Variants in ABI3BP observed in about 807,000 individuals in gnomAD.
ABI3BP encodes ABI family member 3 binding protein.
ABI3BP carries 216 observed loss-of-function variants against 268.6 expected under a neutral mutation model. The ratio of observed to expected loss-of-function variants is 0.80; its 90% confidence interval spans 0.72 to 0.90. ABI3BP has a LOEUF of 0.90. Among genes scored for constraint, ABI3BP ranks in the 40% least tolerant of loss-of-function variants. The pLI, the probability that ABI3BP is intolerant of heterozygous loss-of-function variation, is 0.00. For synonymous variants in ABI3BP, 730 were observed against 730.0 expected, an observed-to-expected ratio of 1.00 and a Z score of 0.00; for missense variants, 2,090 against 2,182.4, an observed-to-expected ratio of 0.96 and a Z score of 0.84.
chr3:100,916,920 C>CT (rs1385592668), intron 2 of ABI3BP, among the ~76,000 whole-genome samples: 1 of 152,184 alleles, frequency 6.6e-6, no homozygotes, highest in Non-Finnish European at 1.5e-5. Flanking sequence ...GATTTTTCAA[C>CT]TAAACTAGGG....
Position 100,864,193 on chromosome 3 carries a change from A to G in ABI3BP, c.1064-117T>C, listed in dbSNP as rs2099027367. On this transcript the variant is annotated intron_variant, in intron 11 of 67. Coordinates refer to ENST00000471714, the MANE Select transcript of ABI3BP (RefSeq NM_001375547.2). The stretch of plus-strand genomic sequence containing the variant: ...GACTCTTGCACACAGAGCAGCCAAT[A>G]CCTTTAATGGAAATAACCTTCCCTG... 3 of 704,704 alleles carry G rather than the reference A, an allele frequency of 4.3e-6. No individual in the cohort carries two copies. The Admixed American group carries it at 6.5e-5, about 15-fold the overall frequency. The allele number at this position is 704,704 out of a possible 1,614,324, so 43.7% of individuals were successfully genotyped here. A position where few individuals can be genotyped will look rare whatever the true frequency, so the allele number is the denominator to read the frequency against.
At chr3:100,912,703 C>T (rs2057191745) in intron 2 of ABI3BP, among the ~76,000 whole-genome samples, 2 of 152,202 alleles carry the variant, frequency 1.3e-5, no homozygotes, top group African/African-American at 4.8e-5. Context: ...CATTTGGCCA[C>T]AGCTCCTGTA....
chr3:100,920,573 C>A (rs1324272901), intron 2 of ABI3BP, among the ~76,000 whole-genome samples: 1 of 152,030 alleles, frequency 6.6e-6, no homozygotes, highest in Admixed American at 6.6e-5. Context: ...CAGGCACCCG[C>A]CCCCATGCCC....
intron 14 of ABI3BP, among the ~76,000 whole-genome samples, chr3:100,853,574 A>G (rs1342060911): frequency 1.3e-5 from 2 of 151,924 alleles, no homozygotes; most frequent in Non-Finnish European, 2.9e-5. Context: ...TGTTATCCTA[A>G]CTCCTAAAGC....
intron 3 of ABI3BP, among the ~76,000 whole-genome samples, chr3:100,899,713 TA>T (rs2049316446): frequency 6.6e-6 from 1 of 152,204 alleles, no homozygotes; most frequent in Non-Finnish European, 1.5e-5. Flanking sequence ...TGAAAATAAT[TA>T]GAGTAAATAA....
intron 6 of ABI3BP, among the ~76,000 whole-genome samples, chr3:100,882,491 A>C (rs2039865039): frequency 6.6e-6 from 1 of 150,958 alleles, no homozygotes; most frequent in Admixed American, 6.6e-5. Flanking sequence ...GAAACAATAA[A>C]CCTTCTCAAA....
rs1491201351 is a variant in ABI3BP at position 100,749,529 on chromosome 3, A to AGTT, written c.*963_*965dup. Reference sequence around the variant, plus strand: ...CCTTTTTAATAGAAATAAATGAGTTAGTTAGTTAGATTTTTATTACAGATT... The same window carrying AGTT: ...CCTTTTTAATAGAAATAAATGAGTTAGTTGTTAGTTAGATTTTTATTACAGATT... On this transcript the variant is annotated 3_prime_UTR_variant, in exon 68 of 68. Transcript: ENST00000471714. 1 of 386,854 alleles carries AGTT rather than the reference A, an allele frequency of 2.6e-6. No individual in the cohort carries two copies. Among genetic ancestry groups the AGTT allele is most frequent in the East Asian group, 3.6e-5 (1 of 27,812 alleles). 24.0% of individuals were successfully genotyped at this position (386,854 alleles called of 1,614,324 possible).
intron 42 of ABI3BP, among the ~76,000 whole-genome samples, chr3:100,817,023 G>A (rs2098073456): frequency 6.6e-6 from 1 of 152,242 alleles, no homozygotes; most frequent in South Asian, 2.1e-4. Context: ...CTGGATGATA[G>A]AGTCTCAGGC....
intron 1 of ABI3BP, among the ~76,000 whole-genome samples, chr3:100,982,391 A>G (rs535956227): frequency 6.6e-6 from 1 of 152,256 alleles, no homozygotes; most frequent in African/African-American, 2.4e-5. Context: ...CCACCCGAAT[A>G]TTACTTGTTA....
At chr3:100,823,326 T>G (rs998468862) in intron 37 of ABI3BP, 132 bp downstream of exon 37, 18 of 739,352 alleles carry the variant, frequency 2.4e-5, no homozygotes, top group Non-Finnish European at 3.1e-5. Context: ...AAAACAACAG[T>G]TAAGAGTCTT....
At chr3:100,807,715 G>A (rs1405846629) in intron 50 of ABI3BP, among the ~76,000 whole-genome samples, 1 of 151,990 alleles carries the variant, frequency 6.6e-6, no homozygotes, top group African/African-American at 2.4e-5. Context: ...GACTAGATTA[G>A]TGGTCGCGAA....
chr3:100,766,926 C>T (rs897822703), intron 62 of ABI3BP, among the ~76,000 whole-genome samples: 3 of 152,246 alleles, frequency 2.0e-5, no homozygotes, highest in Non-Finnish European at 4.4e-5. Context: ...GCACTGAGCC[C>T]AGTGGTATGA....
chr3:100,976,993 G>A (rs1348851531), intron 1 of ABI3BP, among the ~76,000 whole-genome samples: 1 of 152,266 alleles, frequency 6.6e-6, no homozygotes, highest in East Asian at 1.9e-4. Flanking sequence ...ATTTTTCTAT[G>A]AATTTTTTTA....
intron 7 of ABI3BP, 98 bp downstream of exon 7, chr3:100,876,414 C>A: frequency 4.5e-6 from 5 of 1,102,250 alleles, no homozygotes; most frequent in East Asian, 2.5e-5. Context: ...AAAAAAAAAT[C>A]AATTAAAAAA....
intron 1 of ABI3BP, among the ~76,000 whole-genome samples, chr3:100,964,054 G>A (rs915097752): frequency 6.6e-6 from 1 of 152,144 alleles, no homozygotes; most frequent in Non-Finnish European, 1.5e-5. Context: ...AGATAGTAAG[G>A]GTATGGGAGT....
intron 6 of ABI3BP, among the ~76,000 whole-genome samples, chr3:100,879,096 G>A (rs1581654263): frequency 6.6e-6 from 1 of 152,112 alleles, no homozygotes; most frequent in Non-Finnish European, 1.5e-5. Context: ...ACTGCTGTGC[G>A]ATAGCACTCT....
intron 1 of ABI3BP, among the ~76,000 whole-genome samples, chr3:100,955,986 G>A (rs2713801): frequency 0.87 from 131,740 of 152,022 alleles, 57,194 homozygotes; most frequent in East Asian, 1. Flanking sequence ...TCAGGAGTTC[G>A]AGACCAGCCT....
At chr3:100,841,968 G>T in intron 21 of ABI3BP, 30 bp downstream of exon 21, 3 of 1,453,144 alleles carry the variant, frequency 2.1e-6, no homozygotes, top group Non-Finnish European at 2.8e-6. Flanking sequence ...AAGATACTTT[G>T]TTTTCACTCA....
Position 100,832,253 on chromosome 3 carries a change from T to A in ABI3BP, c.2401+11A>T. On this transcript the variant is annotated intron_variant, in intron 31 of 67. Coordinates refer to ENST00000471714, the MANE Select transcript of ABI3BP (RefSeq NM_001375547.2). The stretch of plus-strand genomic sequence containing the variant: ...TGCTTGGATTCTACAAAACAGAAAC[T>A]ACATATTTACCCAGTTTAGTTTGAG... 6.5e-7 allele frequency: 1 copy of A among 1,534,724 alleles called. No homozygotes were observed. Among genetic ancestry groups the A allele is most frequent in the Non-Finnish European group, 8.7e-7 (1 of 1,145,830 alleles).
Sources: allele counts gnomAD v4.1 joint callset (sites outside exome capture counted in the v4.1 genomes callset), GRCh38; gene constraint gnomAD v4.1.1; transcripts MANE v1.5; gene names NCBI Gene and HGNC (gene_info 2026-07-23, HGNC 2026-07-21).